The following KMT2C variants were observed in gnomAD, a reference collection of about 807,000 sequenced individuals.
KMT2C encodes lysine methyltransferase 2C, also known as histone-lysine N-methyltransferase 2C.
Under a neutral mutation model 507.9 loss-of-function variants are expected in KMT2C, and 88 were observed. The observed-to-expected ratio is 0.17, with a 90% confidence interval of 0.15 to 0.21. The LOEUF (loss-of-function observed/expected upper bound fraction) is 0.21. KMT2C is among the 10% of genes least tolerant of loss of function. The probability of loss-of-function intolerance (pLI) is 1.00; values close to 1 mark genes in which losing one functional copy is unlikely to be tolerated. For missense variants in KMT2C, 4,954 were observed against 5,957.8 expected, an observed-to-expected ratio of 0.83 and a Z score of 5.55; for synonymous variants, 2,049 against 2,080.8, an observed-to-expected ratio of 0.98 and a Z score of 0.42.
intron 26 of KMT2C, among the ~76,000 whole-genome samples, chr7:152,201,521 A>G (rs2094140235): frequency 6.6e-6 from 1 of 151,716 alleles, no homozygotes; most frequent in Admixed American, 6.6e-5. Flanking sequence ...CAGAAGGATC[A>G]ATAGGAGGAA....
chr7:152,148,689 G>A lies in KMT2C; in HGVS notation c.13238C>T (p.Thr4413Ile), dbSNP rs1390764543. The A allele has an allele frequency of 6.2e-7, 1 of 1,614,182 alleles. No individual in the cohort carries two copies. The highest frequency in any genetic ancestry group is 8.5e-7 in the Non-Finnish European group (1 of 1,180,038). Reference protein sequence around the residue: ...CFCHEEGDGLTDGPARLLNLD... With the variant: ...CFCHEEGDGLIDGPARLLNLD... Reference sequence around the variant, plus strand: ...GTTGAGTAGCCTTGCTGGTCCATCTGTCAATCCATCACCTTCTTCATGACA... The same window carrying A: ...GTTGAGTAGCCTTGCTGGTCCATCTATCAATCCATCACCTTCTTCATGACA... Residue 4413 changes from threonine to isoleucine, a missense_variant, in exon 52 of 59, where the codon ACA becomes ATA. This residue lies in a region of KMT2C where 39 missense variants were observed against 101.8 expected (regional missense o/e 0.38). Coordinates refer to ENST00000262189, the MANE Select transcript of KMT2C (RefSeq NM_170606.3). This position sits in a 1 kb window ranked among gnomAD's most constrained non-coding sequence, Gnocchi z 7.1.
chr7:152,194,843 C>A (rs1230922862), intron 28 of KMT2C, among the ~76,000 whole-genome samples: 1 of 139,850 alleles, frequency 7.2e-6, no homozygotes. Context: ...TTGCCAACTC[C>A]TGCCAAAAAA....
intron 2 of KMT2C, among the ~76,000 whole-genome samples, chr7:152,350,237 T>C (rs576411314): frequency 6.6e-6 from 1 of 152,066 alleles, no homozygotes; most frequent in African/African-American, 2.4e-5. Context: ...GCAAGAAGAG[T>C]GAAACTCTGT....
intron 15 of KMT2C, among the ~76,000 whole-genome samples, chr7:152,236,806 T>G (rs1429312423): frequency 6.6e-6 from 1 of 152,200 alleles, no homozygotes; most frequent in East Asian, 1.9e-4. Context: ...ATCCTCCTGC[T>G]TCTGCCTCCC....
At chr7:152,172,511 C>T (rs149948056) in intron 39 of KMT2C, among the ~76,000 whole-genome samples, 15 of 152,164 alleles carry the variant, frequency 9.9e-5, no homozygotes, top group East Asian at 3.9e-4. Context: ...GCCTGACCAA[C>T]ATGGTGAAAC....
intron 6 of KMT2C, among the ~76,000 whole-genome samples, chr7:152,297,742 A>G (rs1563770333): frequency 6.6e-6 from 1 of 152,258 alleles, no homozygotes; most frequent in African/African-American, 2.4e-5. Flanking sequence ...GAAGATTTAT[A>G]GAATAAAGAA....
At chr7:152,215,688 T>TATATATATATATATACACACACAC (rs766518165) in intron 23 of KMT2C, among the ~76,000 whole-genome samples, 6 of 134,496 alleles carry the variant, frequency 4.5e-5, no homozygotes, top group Admixed American at 2.2e-4. Context: ...TATATATATA[T>TATATATATATATATACACACACAC]ACACACACAC....
chr7:152,388,604 AAG>A (rs1254839756), intron 1 of KMT2C, among the ~76,000 whole-genome samples: 49 of 131,538 alleles, frequency 3.7e-4, no homozygotes, highest in Admixed American at 5.4e-4. Context: ...AGATTTTGGT[AAG>A]CTTTTCAAGC....
At chr7:152,374,133 T>C (rs2097310949) in intron 1 of KMT2C, among the ~76,000 whole-genome samples, 1 of 149,802 alleles carries the variant, frequency 6.7e-6, no homozygotes, top group Admixed American at 6.6e-5. Flanking sequence ...ACCAATATGG[T>C]GAAACCCCGA....
At chr7:152,381,310 G>A (rs2097371674) in intron 1 of KMT2C, among the ~76,000 whole-genome samples, 1 of 134,774 alleles carries the variant, frequency 7.4e-6, no homozygotes, top group Admixed American at 8.2e-5. Flanking sequence ...CTCCCCAAGG[G>A]ACATCTGGCA....
At position 152,181,673 on chromosome 7, in the gene KMT2C, C is replaced by T. The variant is rs1381665445; in HGVS notation, c.6187G>A (p.Ala2063Thr). Residue 2063 changes from alanine (A) to threonine (T), a missense_variant, in exon 36 of 59, where the codon GCA becomes ACA. By Grantham distance (58) the Ala-to-Thr change is moderately conservative. Around this residue, in one of 29 missense-constraint regions of KMT2C, gnomAD observed 1,689 missense variants for 1,654.3 expected, o/e 1.02. Coordinates refer to ENST00000262189, the MANE Select transcript of KMT2C (RefSeq NM_170606.3). Reference sequence around the variant, plus strand: ...GGGTCAACAGACAATCGCCTTGATGCCTGTGACACTGATCCATAAGGATCC... The same window carrying T: ...GGGTCAACAGACAATCGCCTTGATGTCTGTGACACTGATCCATAAGGATCC... ...SQDPYGSVSQ[A>T]SRRLSVDPYE... 3 of 1,613,982 alleles carry T rather than the reference C, an allele frequency of 1.9e-6. No individual in the cohort carries two copies. The highest frequency in any genetic ancestry group is 1.1e-5 in the South Asian group (1 of 91,066).
rs765386285 is a variant in KMT2C, at chr7:152,155,899, A to C, written c.11960+11T>G. The C allele has an allele frequency of 6.3e-7, 1 of 1,578,930 alleles. No individual in the cohort carries two copies. The highest frequency in any genetic ancestry group is 1.2e-5 in the South Asian group (1 of 83,138). ...TAACTAAGAATTATTTGAGAAAAAAATAACCTGTACCTTAATTCTTCCTGA... is the reference window on the plus strand; with the variant it reads ...TAACTAAGAATTATTTGAGAAAAAACTAACCTGTACCTTAATTCTTCCTGA... On this transcript the variant is annotated intron_variant, in intron 46 of 58. Transcript: ENST00000262189.
chr7:152,401,430 C>A (rs113574537), intron 1 of KMT2C, among the ~76,000 whole-genome samples: 1 of 151,692 alleles, frequency 6.6e-6, no homozygotes, highest in African/African-American at 2.4e-5. Context: ...GTGGCTCACA[C>A]CTGTAATCCC....
intron 46 of KMT2C, chr7:152,154,762 A>T (rs1207058551): frequency 9.1e-6 from 2 of 219,672 alleles, no homozygotes; most frequent in Non-Finnish European, 1.8e-5. Flanking sequence ...AAAATCCCAG[A>T]TCGTTGAGCC....
chr7:152,431,361 G>A (rs191894831), intron 1 of KMT2C, among the ~76,000 whole-genome samples: 247 of 152,118 alleles, frequency 1.6e-3, no homozygotes, highest in Non-Finnish European at 3.0e-3. Context: ...CACTTTGGGA[G>A]GCCCAGGCAG....
In KMT2C at chr7:152,380,594, C is replaced by T. The variant is rs546587527; in HGVS notation, c.162-21919G>A. On this transcript the variant is annotated intron_variant, in intron 1 of 58. Transcript: ENST00000262189. ...AAAAGAAAAAAAAAAAAAAACTAGCCGGGCACAGTATTGCGCACCTGTATT... is the reference window on the plus strand; with the variant it reads ...AAAAGAAAAAAAAAAAAAAACTAGCTGGGCACAGTATTGCGCACCTGTATT... 4.0e-5 allele frequency among the ~76,000 whole-genome samples: 6 copies of T among 151,668 alleles called. No homozygotes were observed. In the East Asian group the frequency reaches 1.2e-3, roughly 29 times the overall value.
At chr7:152,277,172 A>G (rs80085048) in intron 6 of KMT2C, among the ~76,000 whole-genome samples, 2 of 151,770 alleles carry the variant, frequency 1.3e-5, no homozygotes, top group Non-Finnish European at 1.5e-5. Context: ...TTCTGTACCA[A>G]CTATAGCAAT....
Position 152,395,564 on chromosome 7 carries a change from G to A in KMT2C, c.162-36889C>T, listed in dbSNP as rs529398283. Among the ~76,000 whole-genome samples the A allele has an allele frequency of 2.1e-3, 315 of 152,242 alleles. 5 individuals are homozygous for A. The highest frequency in any genetic ancestry group is 0.018 in the Admixed American group (279 of 15,282). ...CCTCTGTCACTCAGGCTGGAGTGCA[G>A]TGGCGCCATCTTGGCTCACTGCAAC... On this transcript the variant is annotated intron_variant, in intron 1 of 58. Coordinates refer to ENST00000262189, the MANE Select transcript of KMT2C (RefSeq NM_170606.3).
At chr7:152,339,176 TTTTCAATGGATTTTTAAA>T (rs765908617) in intron 2 of KMT2C, among the ~76,000 whole-genome samples, 54 of 152,210 alleles carry the variant, frequency 3.5e-4, no homozygotes, top group Non-Finnish European at 6.3e-4. Context: ...GCGTCCTACT[TTTTCAATGGATTTTTAAA>T]GTTTACTCAC....
Sources: gnomAD v4.1 joint callset for allele counts (sites outside exome capture counted in the v4.1 genomes callset) on GRCh38, gnomAD v4.1.1 for gene constraint, gnomAD v4.1.1 regional missense constraint, Gnocchi (gnomAD v3.1) non-coding constraint, MANE v1.5 for transcripts, NCBI Gene and HGNC (gene_info 2026-07-23, HGNC 2026-07-21) for gene names.